FUBP3: variants seen among roughly 807,000 people sequenced by gnomAD.
The protein encoded by FUBP3 is far upstream element-binding protein 3.
A neutral mutation model predicts 85.6 loss-of-function variants in FUBP3; 28 were observed. The observed-to-expected ratio is 0.33, with a 90% CI of 0.24 to 0.45. The LOEUF is 0.45. Ranked by LOEUF, FUBP3 falls within the 20% of genes least tolerant of loss-of-function variation. The probability of loss-of-function intolerance (pLI) is 1.00; values close to 1 mark genes in which losing one functional copy is unlikely to be tolerated. For missense variants in FUBP3, 583 were observed against 755.1 expected (o/e 0.77, Z 2.67); for synonymous variants, 271 against 271.4 (o/e 1.00, Z 0.01).
intron 2 of FUBP3, among the ~76,000 whole-genome samples, chr9:130,604,822 C>T (rs1423343198): frequency 6.6e-6 from 1 of 151,496 alleles, no homozygotes; most frequent in Non-Finnish European, 1.5e-5. Context: ...CACTTGAACC[C>T]AGGAGGTGGA....
chr9:130,597,200 G>A (rs1472875480), intron 2 of FUBP3, among the ~76,000 whole-genome samples: 2 of 152,120 alleles, frequency 1.3e-5, no homozygotes, highest in African/African-American at 4.8e-5. Flanking sequence ...ATGATCTCCA[G>A]CTCCATCCAT....
chr9:130,594,788 ATTC>A (rs1317369942), intron 1 of FUBP3, among the ~76,000 whole-genome samples: 1 of 151,432 alleles, frequency 6.6e-6, no homozygotes, highest in Non-Finnish European at 1.5e-5. Flanking sequence ...CCTTTCAAAT[ATTC>A]TTGGGGAATT....
At chr9:130,610,328 C>G (rs1831673564) in intron 3 of FUBP3, among the ~76,000 whole-genome samples, 1 of 152,164 alleles carries the variant, frequency 6.6e-6, no homozygotes, top group Non-Finnish European at 1.5e-5. Context: ...AATCCTTAAC[C>G]CCTTCACCTG....
chr9:130,602,230 A>G (rs1454961753), intron 2 of FUBP3, among the ~76,000 whole-genome samples: 5 of 152,146 alleles, frequency 3.3e-5, no homozygotes, highest in Non-Finnish European at 7.4e-5. Context: ...GGCTTCAGCC[A>G]CCTACCAGGG....
In FUBP3 at chr9:130,595,470, A is replaced by C; in HGVS notation, c.85-13A>C. 7.8e-7 allele frequency: 1 copy of C among 1,289,664 alleles called. No homozygotes were observed. The highest frequency in any genetic ancestry group is 1.2e-5 in the South Asian group (1 of 84,522). 79.9% of individuals were successfully genotyped at this position (1,289,664 alleles called of 1,614,324 possible). A position where few individuals can be genotyped will look rare whatever the true frequency, so the allele number is the denominator to read the frequency against. ...GTTTGTTACTGAGTGTTTAAATCTG[A>C]TTCTCTCTGTAGATTGCTGCTAAAA... On this transcript the variant is annotated splice_polypyrimidine_tract_variant and intron_variant, in intron 1 of 18. Transcript: ENST00000319725.
intron 8 of FUBP3, among the ~76,000 whole-genome samples, chr9:130,618,448 A>T (rs1327424099): frequency 2.6e-5 from 4 of 152,254 alleles, no homozygotes; most frequent in Admixed American, 1.3e-4. Flanking sequence ...GGGCACCCTC[A>T]GAGCAAGTGT....
intron 9 of FUBP3, among the ~76,000 whole-genome samples, chr9:130,621,613 G>C (rs149393847): frequency 6.6e-6 from 1 of 151,978 alleles, no homozygotes; most frequent in East Asian, 2.0e-4. Flanking sequence ...TAACAGTTAA[G>C]AATGCAGTTC....
At chr9:130,599,303 A>G (rs1831018584) in intron 2 of FUBP3, among the ~76,000 whole-genome samples, 1 of 152,004 alleles carries the variant, frequency 6.6e-6, no homozygotes, top group African/African-American at 2.4e-5. Context: ...AAAAATACAT[A>G]TATACATATA....
chr9:130,601,402 A>G (rs1831146763), intron 2 of FUBP3, among the ~76,000 whole-genome samples: 1 of 152,028 alleles, frequency 6.6e-6, no homozygotes, highest in Non-Finnish European at 1.5e-5. Flanking sequence ...CTTCCTCAGG[A>G]GCATTTTTAG....
At position 130,609,260 on chromosome 9, in the gene FUBP3, A is replaced by G. The variant is rs1283608866; in HGVS notation, c.191-694A>G. 2.6e-5 allele frequency among the ~76,000 whole-genome samples: 4 copies of G among 152,132 alleles called. No individual in the cohort carries two copies. In the East Asian group the frequency reaches 7.7e-4, roughly 29 times the overall value. Reference sequence around the variant, plus strand: ...GCTAAAGTGGTTTTGTGGGAATGTGATTACAGAGTTGGTTTTAATAATAAG... The same window carrying G: ...GCTAAAGTGGTTTTGTGGGAATGTGGTTACAGAGTTGGTTTTAATAATAAG... On this transcript the variant is annotated intron_variant, in intron 2 of 18. Coordinates refer to ENST00000319725, the MANE Select transcript of FUBP3 (RefSeq NM_003934.2).
rs1831827601 is a variant in FUBP3 at position 130,612,993 on chromosome 9, A to G, written c.312A>G (p.Gln104=). 6 of 1,613,078 alleles carry G rather than the reference A, an allele frequency of 3.7e-6. No individual in the cohort carries two copies. The highest frequency in any genetic ancestry group is 1.1e-5 in the South Asian group (1 of 91,056). ...GAGGTGAGCAGATTTCACGGATTCA[A>G]GCAGAATCTGGTTGCAAAATTCAGA... ...GRGGEQISRI[Q]AESGCKIQIA... The change falls in exon 5 of 19, where the codon CAA becomes CAG. Residue 104 remains glutamine, a synonymous_variant. Transcript: ENST00000319725. The surrounding 1 kb of genome is among the most constrained non-coding windows in gnomAD (Gnocchi z 4.1).
chr9:130,593,949 T>C (rs185239032), intron 1 of FUBP3, among the ~76,000 whole-genome samples: 1 of 152,362 alleles, frequency 6.6e-6, no homozygotes, highest in East Asian at 1.9e-4. Flanking sequence ...TGTTCTGTCC[T>C]TTCACTGATA....
At chr9:130,595,454 T>C (rs768739903) in intron 1 of FUBP3, 29 bp from the exon 2 acceptor site, 4 of 1,046,066 alleles carry the variant, frequency 3.8e-6, no homozygotes, top group Non-Finnish European at 6.1e-6. Flanking sequence ...GGTTTGTTAC[T>C]GAGTGTTTAA....
At chr9:130,582,596 C>T (rs1830179810) in intron 1 of FUBP3, among the ~76,000 whole-genome samples, 2 of 152,204 alleles carry the variant, frequency 1.3e-5, no homozygotes, top group Non-Finnish European at 2.9e-5. Context: ...GTTTCTTCAA[C>T]TAGTTCAGAT....
At position 130,622,240 on chromosome 9, in the gene FUBP3, GC is replaced by G. The variant is rs1368911473; in HGVS notation, c.772-467del. Among the ~76,000 whole-genome samples, 29 of 150,058 alleles carry G rather than the reference GC, an allele frequency of 1.9e-4. No homozygotes were observed. In the Admixed American group the frequency reaches 1.9e-3, roughly 10 times the overall value. ...TCAGGAGGCTGAGGCAGGGAGAACT[GC>G]TTGAACCTCAGGGGTGGAGGTTGCA... is the stretch of plus-strand genomic sequence containing the variant. On this transcript the variant is annotated intron_variant, in intron 9 of 18. Coordinates refer to ENST00000319725, the MANE Select transcript of FUBP3 (RefSeq NM_003934.2).
At chr9:130,609,663 G>A (rs1254385586) in intron 2 of FUBP3, among the ~76,000 whole-genome samples, 1 of 152,222 alleles carries the variant, frequency 6.6e-6, no homozygotes, top group Non-Finnish European at 1.5e-5. Flanking sequence ...GGAAGTTAGA[G>A]GGATTTAGGC....
chr9:130,591,461 G>A (rs948777567), intron 1 of FUBP3, among the ~76,000 whole-genome samples: 3 of 151,776 alleles, frequency 2.0e-5, no homozygotes, highest in South Asian at 2.1e-4. Flanking sequence ...TAGCAGAGTA[G>A]CACGCATTAC....
intron 2 of FUBP3, among the ~76,000 whole-genome samples, chr9:130,604,932 C>T (rs994487198): frequency 1.5e-4 from 23 of 151,804 alleles, no homozygotes; most frequent in Non-Finnish European, 2.8e-4. Context: ...AATACCACTC[C>T]CAATGTGAGA....
chr9:130,618,333 C>G (rs1040734511), intron 8 of FUBP3, among the ~76,000 whole-genome samples: 1 of 152,206 alleles, frequency 6.6e-6, no homozygotes, highest in African/African-American at 2.4e-5. Flanking sequence ...GATACAGGCT[C>G]TGCTTGGCGT....
Sources: allele counts gnomAD v4.1 joint callset (sites outside exome capture counted in the v4.1 genomes callset), GRCh38; gene constraint gnomAD v4.1.1; non-coding constraint Gnocchi (gnomAD v3.1); transcripts MANE v1.5; gene names NCBI Gene and HGNC (gene_info 2026-07-23, HGNC 2026-07-21).